The following ASIC2 variants were observed in gnomAD, a reference collection of about 807,000 sequenced individuals.
ASIC2 encodes the protein acid-sensing ion channel 2.
In ASIC2, 25 loss-of-function variants were observed where a neutral mutation model predicts 57.3. That is an observed-to-expected ratio of 0.44 (90% CI 0.32 to 0.61). ASIC2 has a LOEUF of 0.61. Among genes scored for constraint, ASIC2 ranks in the 20% least tolerant of loss-of-function variants. The pLI is 0.06. For missense variants in ASIC2, 641 were observed against 738.1 expected (o/e 0.87, Z 1.52); for synonymous variants, 319 against 307.5 (o/e 1.04, Z -0.39).
intron 1 of ASIC2, among the ~76,000 whole-genome samples, chr17:33,374,341 G>A (rs1015781897): frequency 6.6e-6 from 1 of 152,078 alleles, no homozygotes; most frequent in Admixed American, 6.5e-5. Context: ...GCAACTGTCT[G>A]ACCTCATCTA....
intron 1 of ASIC2, among the ~76,000 whole-genome samples, chr17:33,232,466 T>A (rs546309068): frequency 2.0e-5 from 3 of 148,150 alleles, no homozygotes; most frequent in African/African-American, 7.6e-5. Context: ...TATGGTATGG[T>A]ATGGTATGGT....
chr17:33,630,086 C>T (rs755928280), intron 1 of ASIC2, among the ~76,000 whole-genome samples: 4 of 152,184 alleles, frequency 2.6e-5, no homozygotes, highest in Non-Finnish European at 5.9e-5. Flanking sequence ...CTCTACTTTT[C>T]ACACAGTTGC....
chr17:33,429,761 A>G (rs897569801), intron 1 of ASIC2, among the ~76,000 whole-genome samples: 1 of 152,240 alleles, frequency 6.6e-6, no homozygotes, highest in Non-Finnish European at 1.5e-5. Context: ...AGAGGGGCAT[A>G]TGAGAGAAAC....
rs963164515 is a variant in ASIC2 at position 33,289,830 on chromosome 17, G to A, written c.708+1578C>T. On this transcript the variant is annotated intron_variant, in intron 1 of 9. Coordinates refer to ENST00000225823, the MANE Select transcript of ASIC2 (RefSeq NM_183377.2). ...GGCCATGCTGTAAAACTTGGAGCAG[G>A]AGCGAGGGCCTGTTGCTACTTGGAT... is the stretch of plus-strand genomic sequence containing the variant. Among the ~76,000 whole-genome samples, 5 of 152,274 alleles carry A rather than the reference G, an allele frequency of 3.3e-5. No individual in the cohort carries two copies. The East Asian group carries it at 9.6e-4, about 29-fold the overall frequency.
chr17:33,995,936 A>T (rs1216528625), intron 1 of ASIC2, among the ~76,000 whole-genome samples: 1 of 152,220 alleles, frequency 6.6e-6, no homozygotes, highest in Non-Finnish European at 1.5e-5. Context: ...TGTTTTCCAC[A>T]ATGGCTGTAG....
At chr17:34,031,728 T>C (rs1465209254) in intron 1 of ASIC2, among the ~76,000 whole-genome samples, 1 of 152,166 alleles carries the variant, frequency 6.6e-6, no homozygotes, top group African/African-American at 2.4e-5. Context: ...GAAGCCTCAG[T>C]AGCCAATGCG....
At chr17:33,026,795 G>A (rs16565) in intron 4 of ASIC2, among the ~76,000 whole-genome samples, 3 of 151,774 alleles carry the variant, frequency 2.0e-5, no homozygotes, top group Admixed American at 2.0e-4. Context: ...CCTTTACCAA[G>A]CTCTAAAGTT....
intron 1 of ASIC2, among the ~76,000 whole-genome samples, chr17:33,562,911 T>C (rs1916119849): frequency 6.6e-6 from 1 of 152,168 alleles, no homozygotes; most frequent in Non-Finnish European, 1.5e-5. Flanking sequence ...CTTGATTCAT[T>C]TTCTGCACTC....
intron 1 of ASIC2, among the ~76,000 whole-genome samples, chr17:33,618,458 T>C (rs1158469746): frequency 6.6e-6 from 1 of 152,092 alleles, no homozygotes; most frequent in African/African-American, 2.4e-5. Flanking sequence ...AGAGAATATG[T>C]CCAAAGCCAA....
At chr17:34,088,572 AG>A (rs1910199285) in intron 1 of ASIC2, among the ~76,000 whole-genome samples, 1 of 152,214 alleles carries the variant, frequency 6.6e-6, no homozygotes, top group Admixed American at 6.5e-5. Context: ...CAAAGCTGTC[AG>A]ACAGGGACAT....
chr17:33,378,721 T>C (rs1318270520), intron 1 of ASIC2, among the ~76,000 whole-genome samples: 1 of 152,236 alleles, frequency 6.6e-6, no homozygotes, highest in African/African-American at 2.4e-5. Flanking sequence ...AAATGTTAGA[T>C]GGTGGGGATT....
Position 33,412,170 on chromosome 17 carries a change from G to T in ASIC2, c.556-300103C>A, listed in dbSNP as rs553172427. Among the ~76,000 whole-genome samples, 6 of 152,294 alleles carry T rather than the reference G, an allele frequency of 3.9e-5. No homozygotes were observed. In the East Asian group the frequency reaches 9.6e-4, roughly 24 times the overall value. ...GTTGGGCCAGTTTTCATCGCTCCTT[G>T]ATCCTATTGCTTTTTCTCAAGCTAA... On this transcript the variant is annotated intron_variant, in intron 1 of 9. Coordinates refer to the ASIC2 transcript ENST00000359872.
chr17:34,042,649 G>T (rs1265291296), intron 1 of ASIC2, among the ~76,000 whole-genome samples: 1 of 152,132 alleles, frequency 6.6e-6, no homozygotes, highest in African/African-American at 2.4e-5. Flanking sequence ...TGCTGTGATG[G>T]TTTCATCCAT....
At chr17:33,694,916 A>G (rs979979419) in intron 1 of ASIC2, among the ~76,000 whole-genome samples, 16 of 152,164 alleles carry the variant, frequency 1.1e-4, no homozygotes, top group African/African-American at 3.9e-4. Flanking sequence ...CTCAGCAAAT[A>G]GAATGGCTGC....
In ASIC2 at chr17:33,765,778, T is replaced by C. The variant is rs767551647; in HGVS notation, c.555+390200A>G. ...ATCATGATTTGACTCTGGAGTCAGATGGGGTTAGAGGATATTCCAAGATGG... is the reference window on the plus strand; with the variant it reads ...ATCATGATTTGACTCTGGAGTCAGACGGGGTTAGAGGATATTCCAAGATGG... On this transcript the variant is annotated intron_variant, in intron 1 of 9. Transcript: ENST00000359872. 5.3e-5 allele frequency among the ~76,000 whole-genome samples: 8 copies of C among 152,204 alleles called. No homozygotes were observed. The East Asian group carries it at 1.5e-3, about 29-fold the overall frequency.
chr17:33,076,926 T>C (rs1010862208), intron 3 of ASIC2, among the ~76,000 whole-genome samples: 1 of 152,196 alleles, frequency 6.6e-6, no homozygotes, highest in Admixed American at 6.5e-5. Flanking sequence ...TGAGTATGTA[T>C]TTCTTTAGGG....
intron 1 of ASIC2, among the ~76,000 whole-genome samples, chr17:33,649,503 TA>T (rs1315696814): frequency 1.3e-5 from 2 of 152,224 alleles, no homozygotes; most frequent in Non-Finnish European, 2.9e-5. Flanking sequence ...AAAATCCTAG[TA>T]TTTTTTTAGG....
In ASIC2 at chr17:33,599,120, G is replaced by C. The variant is rs185592370; in HGVS notation, c.556-487053C>G. ...GATATCTGCACTGTTTACTTCACAG[G>C]GTTGTGAAGAGGGTCAGTAAGATCA... On this transcript the variant is annotated intron_variant, in intron 1 of 9. Coordinates refer to the ASIC2 transcript ENST00000359872. Among the ~76,000 whole-genome samples the C allele has an allele frequency of 1.6e-4, 25 of 152,308 alleles. No homozygotes were observed. In the East Asian group the frequency reaches 4.4e-3, roughly 27 times the overall value.
At chr17:33,381,574 G>T (rs929302265) in intron 1 of ASIC2, among the ~76,000 whole-genome samples, 1 of 152,234 alleles carries the variant, frequency 6.6e-6, no homozygotes, top group Non-Finnish European at 1.5e-5. Flanking sequence ...TGTGCCCCGG[G>T]GGGGCACTGA....
Sources: gnomAD v4.1 joint callset for allele counts (sites outside exome capture counted in the v4.1 genomes callset) on GRCh38, gnomAD v4.1.1 for gene constraint, MANE v1.5 for transcripts, NCBI Gene and HGNC (gene_info 2026-07-23, HGNC 2026-07-21) for gene names.